The following RXRA variants were observed in gnomAD, a reference collection of about 807,000 sequenced individuals.
RXRA encodes retinoic acid receptor RXR-alpha.
Under a neutral mutation model 44.5 loss-of-function variants are expected in RXRA, and 5 were observed. The ratio of observed to expected loss-of-function variants is 0.11; its 90% CI spans 0.06 to 0.24. The LOEUF is 0.24. Ranked by LOEUF, RXRA falls within the 10% of genes least tolerant of loss-of-function variation. The pLI, the probability that RXRA is intolerant of heterozygous loss-of-function variation, is 1.00. For synonymous variants in RXRA, 291 were observed against 271.4 expected (o/e 1.07, Z -0.71); for missense variants, 412 against 646.5 (o/e 0.64, Z 3.93).
chr9:134,342,774 A>G lies in RXRA; in HGVS notation c.28+16115A>G, dbSNP rs1554748250. ...CATAGGAGAGTGGACAGCGCCGCGGAGGAGGCTGCCTACCTGCCTTCCTGG... is the reference window on the plus strand; with the variant it reads ...CATAGGAGAGTGGACAGCGCCGCGGGGGAGGCTGCCTACCTGCCTTCCTGG... On this transcript the variant is annotated intron_variant, in intron 1 of 9. Coordinates refer to ENST00000481739, the MANE Select transcript of RXRA (RefSeq NM_002957.6). The surrounding 1 kb of genome is among the most constrained non-coding windows in gnomAD (Gnocchi z 4.4). Among the ~76,000 whole-genome samples, 2 of 152,032 alleles carry G rather than the reference A, an allele frequency of 1.3e-5. No individual in the cohort carries two copies. Among genetic ancestry groups the G allele is most frequent in the Non-Finnish European group, 2.9e-5 (2 of 68,012 alleles).
intron 1 of RXRA, among the ~76,000 whole-genome samples, chr9:134,383,623 G>C (rs1276103697): frequency 6.6e-6 from 1 of 152,204 alleles, no homozygotes. Context: ...CCCCACTCTG[G>C]GAACCAGGCC....
intron 2 of RXRA, 47 bp downstream of exon 2, chr9:134,401,929 G>A (rs750743730): frequency 9.7e-6 from 14 of 1,443,034 alleles, no homozygotes; most frequent in Non-Finnish European, 1.3e-5. Context: ...CCTGGGGTGG[G>A]GCTGTGGCTT....
intron 1 of RXRA, chr9:134,379,712 C>T (rs944046428): frequency 1.0e-6 from 1 of 985,412 alleles, no homozygotes; most frequent in Non-Finnish European, 1.2e-6. Flanking sequence ...AACCTGAGGC[C>T]CAGCCTGGGC....
At chr9:134,385,005 C>T (rs1373958829) in intron 1 of RXRA, among the ~76,000 whole-genome samples, 11 of 152,214 alleles carry the variant, frequency 7.2e-5, no homozygotes, top group African/African-American at 2.2e-4. Flanking sequence ...GCAGGAAGCT[C>T]CTGGCCTGGG....
At chr9:134,348,493 T>G (rs896524549) in intron 1 of RXRA, among the ~76,000 whole-genome samples, 1 of 147,192 alleles carries the variant, frequency 6.8e-6, no homozygotes, top group Non-Finnish European at 1.5e-5. Flanking sequence ...CCCATGTGGC[T>G]GCTTGTCCCC....
intron 1 of RXRA, among the ~76,000 whole-genome samples, chr9:134,331,927 C>T (rs1489080028): frequency 6.6e-6 from 1 of 152,240 alleles, no homozygotes; most frequent in African/African-American, 2.4e-5. Flanking sequence ...ATGCCCCATG[C>T]TGGTTCCCAG....
At chr9:134,406,305 G>GATC (rs1156478576) in intron 2 of RXRA, 11 of 151,084 alleles carry the variant, frequency 7.3e-5, no homozygotes, top group African/African-American at 1.2e-4. Flanking sequence ...GAAGCAGGAG[G>GATC]ATCAATTGGG....
In RXRA at chr9:134,376,213, G is replaced by A. The variant is rs1830554693; in HGVS notation, c.29-25419G>A. 2.6e-5 allele frequency among the ~76,000 whole-genome samples: 4 copies of A among 152,138 alleles called. No homozygotes were observed. In the South Asian group the frequency reaches 8.3e-4, roughly 32 times the overall value. The stretch of plus-strand genomic sequence containing the variant: ...CAGGCCTTCTTGTGGAGGCCCAGAG[G>A]GGCACCCTCAGCCGCGGGGCCTGCC... On this transcript the variant is annotated intron_variant, in intron 1 of 9. Transcript: ENST00000481739.
intron 1 of RXRA, among the ~76,000 whole-genome samples, chr9:134,369,144 ATG>A (rs1188265142): frequency 3.8e-5 from 1 of 26,098 alleles, no homozygotes; most frequent in African/African-American, 1.8e-4. Context: ...GTGTGGGGTT[ATG>A]TGTGTGTGAG....
At chr9:134,347,489 A>AG in intron 1 of RXRA, among the ~76,000 whole-genome samples, 1 of 152,182 alleles carries the variant, frequency 6.6e-6, no homozygotes, top group South Asian at 2.1e-4. Context: ...GCCGAGCAGG[A>AG]GGGGGGCCTG....
intron 1 of RXRA, among the ~76,000 whole-genome samples, chr9:134,362,450 C>A (rs1052463257): frequency 2.0e-5 from 3 of 152,242 alleles, no homozygotes; most frequent in Non-Finnish European, 4.4e-5. Context: ...GTGTTTCCAG[C>A]GGCTTGTCCA....
At chr9:134,381,387 C>T (rs1437603311) in intron 1 of RXRA, among the ~76,000 whole-genome samples, 1 of 152,086 alleles carries the variant, frequency 6.6e-6, no homozygotes, top group Non-Finnish European at 1.5e-5. Context: ...GGGGCTCTCT[C>T]AGGGCCGTCT....
Position 134,408,971 on chromosome 9 carries a change from G to C in RXRA, c.462G>C (p.Gly154=). The change falls in exon 4 of 10, where the codon GGG becomes GGC. Residue 154 remains glycine, a synonymous_variant. Coordinates refer to ENST00000481739, the MANE Select transcript of RXRA (RefSeq NM_002957.6). ...GKHYGVYSCE[G]CKGFFKRTVR... Reference sequence around the variant, plus strand: ...ACTATGGAGTGTACAGCTGCGAGGGGTGCAAGGGCTTCTTCAAGCGGACGG... The same window carrying C: ...ACTATGGAGTGTACAGCTGCGAGGGCTGCAAGGGCTTCTTCAAGCGGACGG... 2 of 1,604,926 alleles carry C rather than the reference G, an allele frequency of 1.2e-6. No homozygotes were observed. Among genetic ancestry groups the C allele is most frequent in the Non-Finnish European group, 1.7e-6 (2 of 1,175,336 alleles).
intron 1 of RXRA, among the ~76,000 whole-genome samples, chr9:134,351,238 A>C (rs1554749412): frequency 1.3e-5 from 2 of 152,322 alleles, no homozygotes; most frequent in Admixed American, 6.5e-5. Context: ...CCCGGCGGGA[A>C]ATCACAGGAG....
rs143704037 is a variant in RXRA at position 134,408,181 on chromosome 9, C to T, written c.312C>T (p.Ser104=). The change falls in exon 3 of 10, where the codon AGC becomes AGT. Residue 104 remains serine, a synonymous_variant. Coordinates refer to ENST00000481739, the MANE Select transcript of RXRA (RefSeq NM_002957.6). ...CACCTATGAACCCCGTCAGCAGCAG[C>T]GAGGACATCAAGCCCCCCCTGGGCC... ...LSSPMNPVSS[S]EDIKPPLGLN... is the part of the protein sequence containing the mutation. 77 of 1,594,714 alleles carry T rather than the reference C, an allele frequency of 4.8e-5. No homozygotes were observed. Among genetic ancestry groups the T allele is most frequent in the Admixed American group, 7.0e-5 (4 of 57,278 alleles).
rs537142416 is a variant in RXRA, at chr9:134,331,766, T to C, written c.28+5107T>C. ...CTGTGGGCCAGCCTTTGTGTCCCGC[T>C]GTGGGGCCTGCTTTTTCTCCGGCAC... On this transcript the variant is annotated intron_variant, in intron 1 of 9. Coordinates refer to ENST00000481739, the MANE Select transcript of RXRA (RefSeq NM_002957.6). 5.2e-3 allele frequency among the ~76,000 whole-genome samples: 599 copies of C among 114,948 alleles called. 7 individuals carry two copies. Among genetic ancestry groups the C allele is most frequent in the African/African-American group, 0.025 (574 of 23,366 alleles). The allele number at this position is 114,948 out of a possible 152,430, so 75.4% of individuals were successfully genotyped here.
chr9:134,362,769 CAT>C (rs1433785615), intron 1 of RXRA, among the ~76,000 whole-genome samples: 8 of 152,390 alleles, frequency 5.2e-5, no homozygotes, highest in Non-Finnish European at 8.8e-5. Context: ...GTCGGCCCCT[CAT>C]GTGGTCCCGG....
chr9:134,370,172 G>A (rs1830472644), intron 1 of RXRA, among the ~76,000 whole-genome samples: 1 of 152,202 alleles, frequency 6.6e-6, no homozygotes, highest in South Asian at 2.1e-4. Context: ...TCTGTCCCAT[G>A]GCTATGGCTT....
At chr9:134,368,524 GGTGT>G (rs149029719) in intron 1 of RXRA, among the ~76,000 whole-genome samples, 3 of 152,104 alleles carry the variant, frequency 2.0e-5, no homozygotes, top group African/African-American at 7.2e-5. Context: ...GTTCTGTTAG[GGTGT>G]GTGTGTGTAT....
Sources: allele counts gnomAD v4.1 joint callset (sites outside exome capture counted in the v4.1 genomes callset), GRCh38; gene constraint gnomAD v4.1.1; non-coding constraint Gnocchi (gnomAD v3.1); transcripts MANE v1.5; gene names NCBI Gene and HGNC (gene_info 2026-07-23, HGNC 2026-07-21).